The following CSMD1 variants were observed in gnomAD, a reference collection of about 807,000 sequenced individuals.
The protein encoded by CSMD1 is CUB and Sushi multiple domains 1.
Under a neutral mutation model 417.5 loss-of-function variants are expected in CSMD1, and 213 were observed. That is an observed-to-expected ratio of 0.51 (90% CI 0.46 to 0.57). CSMD1 has a LOEUF of 0.57. Among genes scored for constraint, CSMD1 ranks in the 20% least tolerant of loss-of-function variants. CSMD1 has a pLI of 0.00. For synonymous variants in CSMD1, 2,862 were observed against 1,736.8 expected (o/e 1.65, Z -16.11); for missense variants, 6,923 against 4,529.7 (o/e 1.53, Z -15.17).
intron 1 of CSMD1, among the ~76,000 whole-genome samples, chr8:4,656,823 T>C (rs1804263169): frequency 6.6e-6 from 1 of 151,584 alleles, no homozygotes; most frequent in Admixed American, 6.6e-5. Flanking sequence ...GGAGAACCCT[T>C]CCCCAGAGAA....
intron 8 of CSMD1, among the ~76,000 whole-genome samples, chr8:3,587,445 G>A (rs915152482): frequency 6.6e-6 from 1 of 152,114 alleles, no homozygotes; most frequent in East Asian, 1.9e-4. Flanking sequence ...GAGATGTGAA[G>A]GAAAAGAAGC....
chr8:3,675,609 G>C (rs1281167643), intron 7 of CSMD1, among the ~76,000 whole-genome samples: 1 of 152,106 alleles, frequency 6.6e-6, no homozygotes, highest in Non-Finnish European at 1.5e-5. Context: ...GATGAGATTA[G>C]CACCCTTATA....
At chr8:4,225,657 G>C (rs190408916) in intron 3 of CSMD1, among the ~76,000 whole-genome samples, 1 of 152,104 alleles carries the variant, frequency 6.6e-6, no homozygotes, top group African/African-American at 2.4e-5. Flanking sequence ...GAAATTAAAA[G>C]CAGGAAAGTG....
chr8:4,723,231 A>C (rs111887980), intron 1 of CSMD1, among the ~76,000 whole-genome samples: 3,177 of 152,260 alleles, frequency 0.021, 63 homozygotes, highest in Middle Eastern at 0.031. Context: ...CTCCTTTTAA[A>C]GACATTTCAG....
At chr8:4,994,306 C>G in intron 1 of CSMD1, 26 bp downstream of exon 1, 2 of 1,603,622 alleles carry the variant, frequency 1.2e-6, no homozygotes, top group African/African-American at 2.7e-5. Context: ...CTACCGCCTC[C>G]CCGGCCAGGA....
intron 12 of CSMD1, among the ~76,000 whole-genome samples, chr8:3,414,502 G>A (rs909269752): frequency 2.0e-5 from 3 of 151,984 alleles, no homozygotes; most frequent in Non-Finnish European, 4.4e-5. Flanking sequence ...CATCATTGAC[G>A]CTCTTGGGGT....
chr8:4,519,814 T>C (rs1273667233), intron 2 of CSMD1, among the ~76,000 whole-genome samples: 1 of 134,054 alleles, frequency 7.5e-6, no homozygotes, highest in East Asian at 2.3e-4. Context: ...GATAGCTCTA[T>C]GAAAGAGGAT....
rs115164903 is a variant in CSMD1 at position 4,615,250 on chromosome 8, T to C, written c.302+22092A>G. Among the ~76,000 whole-genome samples the C allele has an allele frequency of 3.1e-3, 471 of 152,278 alleles. 2 individuals carry two copies. The highest frequency in any genetic ancestry group is 0.011 in the African/African-American group (452 of 41,552). ...CCCATGTGAACACAACACACCTGCATAGAACGTGGAGAGCTTAAGGCACTA... is the reference window on the plus strand; with the variant it reads ...CCCATGTGAACACAACACACCTGCACAGAACGTGGAGAGCTTAAGGCACTA... On this transcript the variant is annotated intron_variant, in intron 2 of 69. Transcript: ENST00000635120.
chr8:3,734,996 CAA>C (rs1796456034), intron 6 of CSMD1, among the ~76,000 whole-genome samples: 1 of 152,136 alleles, frequency 6.6e-6, no homozygotes, highest in Non-Finnish European at 1.5e-5. Context: ...CTGTGGTGTG[CAA>C]AGAGAGGAGT....
intron 3 of CSMD1, among the ~76,000 whole-genome samples, chr8:4,353,161 C>T (rs565839764): frequency 2.6e-5 from 4 of 152,150 alleles, no homozygotes; most frequent in Non-Finnish European, 5.9e-5. Flanking sequence ...ACAACTGTCA[C>T]CTTGAATTGT....
chr8:4,837,728 C>T (rs750364605), intron 1 of CSMD1, among the ~76,000 whole-genome samples: 12 of 151,906 alleles, frequency 7.9e-5, no homozygotes, highest in East Asian at 1.9e-4. Flanking sequence ...CAGTAATAAC[C>T]GTACATTTAA....
chr8:4,028,683 C>T (rs530672372), intron 4 of CSMD1, among the ~76,000 whole-genome samples: 1 of 152,078 alleles, frequency 6.6e-6, no homozygotes, highest in African/African-American at 2.4e-5. Flanking sequence ...ATCTCTGGAA[C>T]CTTTTGCAAA....
At chr8:4,007,554 T>C (rs977205217) in intron 4 of CSMD1, among the ~76,000 whole-genome samples, 1 of 152,204 alleles carries the variant, frequency 6.6e-6, no homozygotes, top group Admixed American at 6.5e-5. Flanking sequence ...CTCTCCATCC[T>C]GTATGCTTAC....
At chr8:3,768,786 G>T (rs538679086) in intron 5 of CSMD1, among the ~76,000 whole-genome samples, 3 of 152,212 alleles carry the variant, frequency 2.0e-5, no homozygotes, top group Admixed American at 6.5e-5. Flanking sequence ...CGTAAGGCTT[G>T]TCCTAAGTTT....
intron 1 of CSMD1, among the ~76,000 whole-genome samples, chr8:4,732,906 C>T (rs1174495641): frequency 6.6e-6 from 1 of 152,052 alleles, no homozygotes; most frequent in Non-Finnish European, 1.5e-5. Context: ...GTCCAGCCTG[C>T]TGGGATGGCA....
At chr8:3,723,621 G>T (rs996008299) in intron 6 of CSMD1, among the ~76,000 whole-genome samples, 2 of 151,932 alleles carry the variant, frequency 1.3e-5, no homozygotes, top group Non-Finnish European at 2.9e-5. Flanking sequence ...GAAAATATTA[G>T]AATTTTAGAC....
At chr8:3,908,186 G>A (rs749460551) in intron 5 of CSMD1, among the ~76,000 whole-genome samples, 35 of 152,060 alleles carry the variant, frequency 2.3e-4, no homozygotes, top group Admixed American at 3.9e-4. Flanking sequence ...CATGGGCCAG[G>A]CTAGATACTA....
chr8:3,826,892 T>C (rs888398052), intron 5 of CSMD1, among the ~76,000 whole-genome samples: 1 of 152,148 alleles, frequency 6.6e-6, no homozygotes, highest in African/African-American at 2.4e-5. Context: ...GTTCAACCCA[T>C]TCTCCCACCT....
intron 5 of CSMD1, among the ~76,000 whole-genome samples, chr8:3,872,016 T>C (rs1322887060): frequency 2.6e-5 from 4 of 152,242 alleles, no homozygotes; most frequent in Non-Finnish European, 4.4e-5. Flanking sequence ...GCAGTGAGTA[T>C]AGTGGTTAAC....
Sources: allele counts gnomAD v4.1 joint callset (sites outside exome capture counted in the v4.1 genomes callset), GRCh38; gene constraint gnomAD v4.1.1; transcripts MANE v1.5; gene names NCBI Gene and HGNC (gene_info 2026-07-23, HGNC 2026-07-21).